Variants in ROR1 observed in about 807,000 individuals in gnomAD.
ROR1 encodes ROR family WNT receptor 1.
A neutral mutation model predicts 78.8 loss-of-function variants in ROR1; 19 were observed. The observed-to-expected ratio is 0.24, with a 90% CI of 0.17 to 0.35. The LOEUF (loss-of-function observed/expected upper bound fraction) is 0.35, where lower values mean the gene tolerates loss of function less well. ROR1 is among the 10% of genes least tolerant of loss of function. The pLI, the probability that ROR1 is intolerant of heterozygous loss-of-function variation, is 1.00. For synonymous variants in ROR1, 386 were observed against 433.6 expected, an observed-to-expected ratio of 0.89 and a Z score of 1.36; for missense variants, 917 against 1,177.8, an observed-to-expected ratio of 0.78 and a Z score of 3.24.
intron 1 of ROR1, among the ~76,000 whole-genome samples, chr1:63,879,666 G>A (rs1645310580): frequency 6.6e-6 from 1 of 152,134 alleles, no homozygotes; most frequent in South Asian, 2.1e-4. Flanking sequence ...GTCTTATAGT[G>A]AAGAGATGTT....
chr1:63,987,016 A>G (rs1646258372), intron 1 of ROR1, among the ~76,000 whole-genome samples: 1 of 152,168 alleles, frequency 6.6e-6, no homozygotes, highest in Admixed American at 6.6e-5. Context: ...GTAATTTTCA[A>G]CTTCAACTTT....
Position 64,153,215 on chromosome 1 carries a change from C to T in ROR1, c.1175-5766C>T, listed in dbSNP as rs558947371. Among the ~76,000 whole-genome samples the T allele has an allele frequency of 3.4e-4, 52 of 152,098 alleles. 1 individual carries two copies. The highest frequency in any genetic ancestry group is 1.3e-3 in the African/African-American group (52 of 41,480). ...ATTAGAGAAATGCAAATCAAAACTCCAGTGAGATACCATTTCACACCCATT... is the reference window on the plus strand; with the variant it reads ...ATTAGAGAAATGCAAATCAAAACTCTAGTGAGATACCATTTCACACCCATT... On this transcript the variant is annotated intron_variant, in intron 7 of 8. Coordinates refer to ENST00000371079, the MANE Select transcript of ROR1 (RefSeq NM_005012.4).
chr1:63,971,057 G>C (rs561626847), intron 1 of ROR1, among the ~76,000 whole-genome samples: 1 of 152,200 alleles, frequency 6.6e-6, no homozygotes, highest in Non-Finnish European at 1.5e-5. Context: ...GACCCAGCCA[G>C]TACAGATGGG....
chr1:64,179,038 A>AAC lies in ROR1; in HGVS notation c.*184_*185insCA. On this transcript the variant is annotated 3_prime_UTR_variant, in exon 9 of 9. Coordinates refer to ENST00000371079, the MANE Select transcript of ROR1 (RefSeq NM_005012.4). The stretch of plus-strand genomic sequence containing the variant: ...ACACTCGGCCAGAAAAAAAAAAAAA[A>AAC]AAAAAAAACAAGCAAACAAAAACAT... 1 of 540,534 alleles carries AAC rather than the reference A, an allele frequency of 1.9e-6. No individual in the cohort carries two copies. The highest frequency in any genetic ancestry group is 3.2e-6 in the Non-Finnish European group (1 of 309,280). The allele number at this position is 540,534 out of a possible 1,614,324, so 33.5% of individuals were successfully genotyped here.
At chr1:64,175,552 T>G (rs1444519883) in intron 8 of ROR1, among the ~76,000 whole-genome samples, 1 of 152,228 alleles carries the variant, frequency 6.6e-6, no homozygotes, top group Non-Finnish European at 1.5e-5. Context: ...TACCATTACT[T>G]TCAGCACAAG....
intron 1 of ROR1, among the ~76,000 whole-genome samples, chr1:63,869,441 T>G (rs987797499): frequency 4.6e-5 from 7 of 152,150 alleles, no homozygotes; most frequent in Admixed American, 4.6e-4. Context: ...GCCAAGTCCT[T>G]GAGATGCTGT....
intron 1 of ROR1, among the ~76,000 whole-genome samples, chr1:63,819,341 G>A (rs1644911148): frequency 6.6e-6 from 1 of 152,164 alleles, no homozygotes; most frequent in Non-Finnish European, 1.5e-5. Context: ...TGCAGGCACT[G>A]ACTTATGAGG....
At chr1:64,063,664 C>G (rs1646934458) in intron 4 of ROR1, among the ~76,000 whole-genome samples, 1 of 152,018 alleles carries the variant, frequency 6.6e-6, no homozygotes, top group African/African-American at 2.4e-5. Context: ...CACAAACACA[C>G]TCATTCACAC....
intron 1 of ROR1, among the ~76,000 whole-genome samples, chr1:63,778,167 G>T (rs1392243118): frequency 6.6e-6 from 1 of 152,122 alleles, no homozygotes; most frequent in Non-Finnish European, 1.5e-5. Context: ...TTGAAGTGAG[G>T]TCATGCATGT....
In ROR1 at chr1:63,774,425, G is replaced by C; in HGVS notation, c.8G>C (p.Arg3Pro). The C allele has an allele frequency of 7.6e-6, 9 of 1,179,622 alleles. No homozygotes were observed. The highest frequency in any genetic ancestry group is 3.9e-5 in the South Asian group (1 of 25,908). 73.1% of individuals were successfully genotyped at this position (1,179,622 alleles called of 1,614,324 possible). A position where few individuals can be genotyped will look rare whatever the true frequency, so the allele number is the denominator to read the frequency against. ...GCCTCAGCGAGAGGAGGAATGCACC[G>C]GCCGCGCCGCCGCGGGACGCGCCCG... The part of the protein sequence containing the change: MH[R>P]PRRRGTRPPL... Residue 3 changes from arginine to proline, a missense_variant, in exon 1 of 9, where the codon CGG becomes CCG. Physicochemically the swap from Arg to Pro is moderately radical, Grantham distance 103. Transcript: ENST00000371079. The surrounding 1 kb of genome is among the most constrained non-coding windows in gnomAD (Gnocchi z 5.7).
rs563755915 is a variant in ROR1 at position 64,119,449 on chromosome 1, G to C, written c.483-17920G>C. On this transcript the variant is annotated intron_variant, in intron 4 of 8. Transcript: ENST00000371079. The stretch of plus-strand genomic sequence containing the variant: ...AGGTCAGCAGTTCCAGACTGGCCTG[G>C]CCAACATGGTGAAACCTCGTCTCTA... Among the ~76,000 whole-genome samples the C allele has an allele frequency of 2.1e-4, 32 of 152,062 alleles. 1 individual carries two copies. The highest frequency in any genetic ancestry group is 1.6e-3 in the Admixed American group (24 of 15,272).
intron 1 of ROR1, among the ~76,000 whole-genome samples, chr1:63,968,864 A>C (rs1323045869): frequency 6.6e-6 from 1 of 152,214 alleles, no homozygotes; most frequent in Non-Finnish European, 1.5e-5. Context: ...TGTTCAACAC[A>C]GAGTTCAATG....
intron 4 of ROR1, among the ~76,000 whole-genome samples, chr1:64,125,816 T>C (rs1323274845): frequency 6.6e-6 from 1 of 152,154 alleles, no homozygotes; most frequent in Non-Finnish European, 1.5e-5. Context: ...TGTGTAGCCA[T>C]AGCAGAGAAA....
chr1:63,891,911 G>T (rs1356262545), intron 1 of ROR1, among the ~76,000 whole-genome samples: 4 of 152,066 alleles, frequency 2.6e-5, no homozygotes, highest in Non-Finnish European at 4.4e-5. Context: ...ATGGCATATT[G>T]TCGGATTGCT....
At chr1:63,989,168 G>GTTTTTT (rs1234720187) in intron 1 of ROR1, among the ~76,000 whole-genome samples, 1 of 142,480 alleles carries the variant, frequency 7.0e-6, no homozygotes, top group Non-Finnish European at 1.5e-5. Flanking sequence ...TTCTGTTTTT[G>GTTTTTT]TTTTTTTTTT....
intron 1 of ROR1, among the ~76,000 whole-genome samples, chr1:63,778,963 C>T (rs905587038): frequency 6.6e-6 from 1 of 152,170 alleles, no homozygotes; most frequent in African/African-American, 2.4e-5. Flanking sequence ...CAAGGTTTTC[C>T]AACAGCAGCA....
Position 63,784,794 on chromosome 1 carries a change from T to G in ROR1, c.91+10286T>G, listed in dbSNP as rs562374844. 3.9e-4 allele frequency among the ~76,000 whole-genome samples: 59 copies of G among 152,224 alleles called. No homozygotes were observed. In the South Asian group the frequency reaches 0.012, roughly 31 times the overall value. On this transcript the variant is annotated intron_variant, in intron 1 of 8. Transcript: ENST00000371079. ...GTTTGGCACAGTGCCTGGGCCATAG[T>G]TGGTTGTTGGTGTGTGATCGAAGCT...
chr1:63,799,385 A>G (rs942406700), intron 1 of ROR1, among the ~76,000 whole-genome samples: 3 of 152,110 alleles, frequency 2.0e-5, no homozygotes, highest in East Asian at 1.9e-4. Flanking sequence ...AACTTCTCCA[A>G]TGCTAGCTGT....
intron 1 of ROR1, among the ~76,000 whole-genome samples, chr1:63,919,822 G>A (rs1645639980): frequency 6.6e-6 from 1 of 152,192 alleles, no homozygotes; most frequent in Admixed American, 6.5e-5. Context: ...GCGATGCACA[G>A]TGATCTATAA....
Sources: gnomAD v4.1 joint callset for allele counts (sites outside exome capture counted in the v4.1 genomes callset) on GRCh38, gnomAD v4.1.1 for gene constraint, Gnocchi (gnomAD v3.1) non-coding constraint, MANE v1.5 for transcripts, NCBI Gene and HGNC (gene_info 2026-07-23, HGNC 2026-07-21) for gene names.